FGD4: variants seen among roughly 807,000 people sequenced by gnomAD.
The protein encoded by FGD4 is FYVE, RhoGEF and PH domain containing 4, also known as FYVE, RhoGEF and PH domain-containing protein 4.
Under a neutral mutation model 102.0 loss-of-function variants are expected in FGD4, and 42 were observed. That is an observed-to-expected ratio of 0.41 (90% CI 0.32 to 0.53). FGD4 has a LOEUF of 0.53. Ranked by LOEUF, FGD4 falls within the 20% of genes least tolerant of loss-of-function variation. The pLI is 0.21. For missense variants in FGD4, 902 were observed against 1,078.2 expected (o/e 0.84, Z 2.29); for synonymous variants, 380 against 375.7 (o/e 1.01, Z -0.13).
chr12:32,443,601 C>A (rs893383854), intron 1 of FGD4, among the ~76,000 whole-genome samples: 2 of 139,694 alleles, frequency 1.4e-5, no homozygotes, highest in African/African-American at 5.4e-5. Flanking sequence ...TGCAGTGGTG[C>A]GATCACAGCT....
intron 1 of FGD4, among the ~76,000 whole-genome samples, chr12:32,499,308 A>G (rs927618923): frequency 1.3e-5 from 2 of 152,214 alleles, no homozygotes; most frequent in Non-Finnish European, 2.9e-5. Flanking sequence ...CTTAGGTTTC[A>G]GGCCCTATAA....
intron 4 of FGD4, among the ~76,000 whole-genome samples, chr12:32,585,834 CAAAAAAA>C (rs58688697): frequency 3.9e-4 from 27 of 68,814 alleles, no homozygotes; most frequent in African/African-American, 5.7e-4. Flanking sequence ...GACCTTGTCT[CAAAAAAA>C]AAAAAAAAAA....
intron 1 of FGD4, among the ~76,000 whole-genome samples, chr12:32,495,595 C>A (rs1200151031): frequency 6.7e-6 from 1 of 150,042 alleles, no homozygotes; most frequent in Non-Finnish European, 1.5e-5. Flanking sequence ...ACTTGGGAGG[C>A]TGAGGCAGGA....
At chr12:32,449,006 T>G (rs568102571) in intron 1 of FGD4, among the ~76,000 whole-genome samples, 1 of 152,340 alleles carries the variant, frequency 6.6e-6, no homozygotes, top group South Asian at 2.1e-4. Flanking sequence ...CTTGGAGAGA[T>G]AGACAGTATT....
chr12:32,572,933 T>C (rs1194045356), intron 2 of FGD4, among the ~76,000 whole-genome samples: 4 of 152,228 alleles, frequency 2.6e-5, no homozygotes, highest in African/African-American at 4.8e-5. Flanking sequence ...GGCCGTTGGC[T>C]GCAATTTGTT....
intron 4 of FGD4, among the ~76,000 whole-genome samples, chr12:32,596,406 T>C (rs1259557230): frequency 6.6e-6 from 1 of 152,180 alleles, no homozygotes; most frequent in Non-Finnish European, 1.5e-5. Context: ...TAATCAAACA[T>C]GCATTTGAGT....
chr12:32,609,882 C>T (rs1255815159), intron 8 of FGD4, among the ~76,000 whole-genome samples: 1 of 152,068 alleles, frequency 6.6e-6, no homozygotes, highest in East Asian at 1.9e-4. Context: ...GAGGTTTTTC[C>T]TAGGGTTAGT....
rs34078307 is a variant in FGD4, at chr12:32,401,726, C to CT, written c.166+1786dup. On this transcript the variant is annotated intron_variant, in intron 1 of 16. Transcript: ENST00000534526. ...AGCTCTGCTTTTTCTCTTTTCCATT[C>CT]TTTTTTTTTTTTTTTTTTTGAGACG... is the stretch of plus-strand genomic sequence containing the variant. 9.8e-3 allele frequency among the ~76,000 whole-genome samples: 1,115 copies of CT among 113,560 alleles called. 33 individuals carry two copies. The highest frequency in any genetic ancestry group is 0.013 in the African/African-American group (364 of 28,654). 74.5% of individuals were successfully genotyped at this position (113,560 alleles called of 152,430 possible). A position where few individuals can be genotyped will look rare whatever the true frequency, so the allele number is the denominator to read the frequency against.
intron 5 of FGD4, among the ~76,000 whole-genome samples, chr12:32,599,387 G>A (rs113772734): frequency 2.9e-5 from 4 of 139,730 alleles, no homozygotes; most frequent in Admixed American, 1.5e-4. Context: ...CCAGCTACTC[G>A]GGAGGCTGAG....
At chr12:32,453,251 A>T (rs1219369488) in intron 1 of FGD4, among the ~76,000 whole-genome samples, 34 of 85,124 alleles carry the variant, frequency 4.0e-4, no homozygotes, top group African/African-American at 5.7e-4. Flanking sequence ...TTTTTTTTTT[A>T]AATGTAGAGC....
intron 14 of FGD4, among the ~76,000 whole-genome samples, chr12:32,628,524 C>A (rs1033092429): frequency 3.3e-5 from 5 of 152,006 alleles, no homozygotes; most frequent in Non-Finnish European, 5.9e-5. Context: ...AGAGGCCAGG[C>A]GCAGTGGCTT....
intron 1 of FGD4, among the ~76,000 whole-genome samples, chr12:32,429,782 C>T (rs1420294825): frequency 2.0e-5 from 3 of 152,150 alleles, no homozygotes; most frequent in Non-Finnish European, 4.4e-5. Context: ...TGCTAATTAG[C>T]ATACATAATT....
chr12:32,500,387 TTTTATTTTTATTTTA>T, intron 1 of FGD4, among the ~76,000 whole-genome samples: 1 of 149,630 alleles, frequency 6.7e-6, no homozygotes, highest in Admixed American at 6.7e-5. Context: ...CCTTATTTTA[TTTTATTTTTATTTTA>T]TTTTATTTTA....
chr12:32,536,914 T>C (rs565583780), intron 1 of FGD4, among the ~76,000 whole-genome samples: 79 of 152,084 alleles, frequency 5.2e-4, no homozygotes, highest in Admixed American at 3.6e-3. Context: ...TTTCTTTTTT[T>C]TCTCTCTCTC....
At chr12:32,509,241 CTTTT>C (rs35053299) in intron 1 of FGD4, among the ~76,000 whole-genome samples, 2 of 132,686 alleles carry the variant, frequency 1.5e-5, no homozygotes, top group African/African-American at 5.6e-5. Context: ...CTTTTATTCT[CTTTT>C]TTTTTTTTTT....
chr12:32,629,216 A>G (rs1950353569), intron 14 of FGD4, among the ~76,000 whole-genome samples: 1 of 152,202 alleles, frequency 6.6e-6, no homozygotes, highest in South Asian at 2.1e-4. Context: ...TCAATGAAGA[A>G]AGAGTTGAGG....
At chr12:32,635,638 C>A (rs1441700289) in intron 15 of FGD4, among the ~76,000 whole-genome samples, 1 of 152,094 alleles carries the variant, frequency 6.6e-6, no homozygotes, top group Non-Finnish European at 1.5e-5. Context: ...AAGGATATTA[C>A]ATACATATTT....
chr12:32,472,206 T>C (rs1481861225), intron 1 of FGD4, among the ~76,000 whole-genome samples: 3 of 152,334 alleles, frequency 2.0e-5, no homozygotes, highest in East Asian at 3.9e-4. Flanking sequence ...GAGGAGCCCT[T>C]CAGCCCCCCA....
intron 14 of FGD4, among the ~76,000 whole-genome samples, chr12:32,627,241 A>G (rs1467917456): frequency 1.1e-4 from 15 of 141,102 alleles, no homozygotes; most frequent in Middle Eastern, 4.2e-3. Context: ...TGCAACCTCC[A>G]CCTCCCGGGT....
Sources: allele counts gnomAD v4.1 joint callset (sites outside exome capture counted in the v4.1 genomes callset), GRCh38; gene constraint gnomAD v4.1.1; transcripts MANE v1.5; gene names NCBI Gene and HGNC (gene_info 2026-07-23, HGNC 2026-07-21).